The following NALCN variants were observed in gnomAD, a reference collection of about 807,000 sequenced individuals.
The protein encoded by NALCN is sodium leak channel, non-selective, also known as sodium leak channel NALCN.
A neutral mutation model predicts 225.3 loss-of-function variants in NALCN; 111 were observed. The ratio of observed to expected loss-of-function variants is 0.49; its 90% CI spans 0.42 to 0.58. The LOEUF is 0.58. Ranked by LOEUF, NALCN falls within the 20% of genes least tolerant of loss-of-function variation. NALCN has a pLI of 0.00. For synonymous variants in NALCN, 764 were observed against 769.0 expected, an observed-to-expected ratio of 0.99 and a Z score of 0.11; for missense variants, 1,378 against 2,202.4, an observed-to-expected ratio of 0.63 and a Z score of 7.49.
rs12431149 is a variant in NALCN, at chr13:101,349,594, G to A, written c.645-4174C>T. On this transcript the variant is annotated intron_variant, in intron 6 of 43. Coordinates refer to ENST00000251127, the MANE Select transcript of NALCN (RefSeq NM_052867.4). ...AGGAAGACACAGATGCAACTCTGCT[G>A]GCTTTGAAGGTGCTGGTTTGTCCAT... Among the ~76,000 whole-genome samples the A allele has an allele frequency of 4.5e-3, 680 of 151,916 alleles. 3 individuals carry two copies. Among genetic ancestry groups the A allele is most frequent in the Non-Finnish European group, 7.0e-3 (477 of 67,964 alleles).
chr13:101,128,812 C>A (rs758550128), intron 17 of NALCN, among the ~76,000 whole-genome samples: 2 of 152,058 alleles, frequency 1.3e-5, no homozygotes, highest in Non-Finnish European at 2.9e-5. Context: ...ATCCTCCTGC[C>A]GTGGCCTCCC....
intron 6 of NALCN, among the ~76,000 whole-genome samples, chr13:101,356,186 AACT>A (rs1303851147): frequency 6.6e-6 from 1 of 152,186 alleles, no homozygotes; most frequent in African/African-American, 2.4e-5. Flanking sequence ...GACAAGAAAT[AACT>A]AAGATCAGAG....
chr13:101,368,548 A>G (rs2046446957), intron 6 of NALCN: 1 of 152,202 alleles, frequency 6.6e-6, no homozygotes, highest in African/African-American at 2.4e-5. Flanking sequence ...AAATTTTCAA[A>G]TCAATTAACA....
At chr13:101,323,022 C>T (rs927496797) in intron 7 of NALCN, among the ~76,000 whole-genome samples, 1 of 152,004 alleles carries the variant, frequency 6.6e-6, no homozygotes, top group African/African-American at 2.4e-5. Context: ...CCTAAGCATC[C>T]ATTTTTAAGT....
At position 101,206,546 on chromosome 13, in the gene NALCN, G is replaced by A. The variant is rs1426276937; in HGVS notation, c.1627-14492C>T. Among the ~76,000 whole-genome samples the A allele has an allele frequency of 8.6e-5, 13 of 151,562 alleles. 1 individual carries two copies. The highest frequency in any genetic ancestry group is 3.1e-4 in the African/African-American group (13 of 41,320). On this transcript the variant is annotated intron_variant, in intron 13 of 43. Coordinates refer to ENST00000251127, the MANE Select transcript of NALCN (RefSeq NM_052867.4). ...TTTTCTTTCTTTTAGAACTTTACCT[G>A]TTCATGTACTTGCCATTTAAAAAAT...
intron 14 of NALCN, among the ~76,000 whole-genome samples, chr13:101,184,645 AAC>A (rs1168084772): frequency 2.0e-5 from 3 of 152,204 alleles, no homozygotes; most frequent in Admixed American, 2.0e-4. Context: ...CATTTTGTCC[AAC>A]ATAATGTAGT....
chr13:101,311,993 A>C (rs1297836560), intron 7 of NALCN, among the ~76,000 whole-genome samples: 1 of 150,748 alleles, frequency 6.6e-6, no homozygotes, highest in Admixed American at 6.7e-5. Context: ...CTGGTCCCGG[A>C]CTTTTTTTGG....
chr13:101,244,235 G>A (rs2140172175), intron 11 of NALCN, among the ~76,000 whole-genome samples: 1 of 152,054 alleles, frequency 6.6e-6, no homozygotes, highest in South Asian at 2.1e-4. Context: ...ACTAATGAAT[G>A]CCTGAAAGAT....
rs2035877511 is a variant in NALCN at position 101,119,654 on chromosome 13, G to A, written c.2192+4954C>T. Among the ~76,000 whole-genome samples, 2 of 152,202 alleles carry A rather than the reference G, an allele frequency of 1.3e-5. 1 individual carries two copies. The highest frequency in any genetic ancestry group is 4.1e-4 in the South Asian group (2 of 4,832). On this transcript the variant is annotated intron_variant, in intron 18 of 43. Coordinates refer to ENST00000251127, the MANE Select transcript of NALCN (RefSeq NM_052867.4). Reference sequence around the variant, plus strand: ...TCTCAACAAAGGTAGTGATGCTTTTGAAAGTACATTGCTATTTGTTTTTTA... The same window carrying A: ...TCTCAACAAAGGTAGTGATGCTTTTAAAAGTACATTGCTATTTGTTTTTTA...
At chr13:101,133,184 T>C (rs952789838) in intron 17 of NALCN, among the ~76,000 whole-genome samples, 17 of 152,182 alleles carry the variant, frequency 1.1e-4, no homozygotes, top group Admixed American at 7.9e-4. Context: ...TAAAGAACCA[T>C]AGCTTGACCC....
At chr13:101,273,884 C>CAA (rs34847260) in intron 10 of NALCN, among the ~76,000 whole-genome samples, 122 of 95,506 alleles carry the variant, frequency 1.3e-3, no homozygotes, top group African/African-American at 2.0e-3. Flanking sequence ...GACTCCATCT[C>CAA]AAAAAAAAAA....
chr13:101,241,313 T>C (rs2140166205), intron 11 of NALCN, among the ~76,000 whole-genome samples: 1 of 152,356 alleles, frequency 6.6e-6, no homozygotes, highest in Admixed American at 6.5e-5. Context: ...ATCTTAGAAA[T>C]TTGGGTCCCC....
intron 14 of NALCN, among the ~76,000 whole-genome samples, chr13:101,185,335 T>C (rs2039405717): frequency 6.6e-6 from 1 of 152,230 alleles, no homozygotes; most frequent in Non-Finnish European, 1.5e-5. Flanking sequence ...GATTGCTGTG[T>C]TAATTTCAGC....
intron 6 of NALCN, among the ~76,000 whole-genome samples, chr13:101,363,014 T>C (rs954441466): frequency 5.9e-5 from 9 of 152,028 alleles, no homozygotes; most frequent in African/African-American, 2.2e-4. Flanking sequence ...TAAAAATGCC[T>C]AGGAATAATT....
At chr13:101,367,199 C>T (rs2046402261) in intron 6 of NALCN, among the ~76,000 whole-genome samples, 1 of 151,854 alleles carries the variant, frequency 6.6e-6, no homozygotes, top group South Asian at 2.1e-4. Flanking sequence ...AAGAAACTCA[C>T]AACTTAAATC....
rs557325636 is a variant in NALCN, at chr13:101,087,339, C to T, written c.3489+2324G>A. On this transcript the variant is annotated intron_variant, in intron 30 of 43. Transcript: ENST00000251127. The stretch of plus-strand genomic sequence containing the variant: ...TGCTCCATGAGGGCAAATAACTTTT[C>T]TGTGTTTAGTGTTTAGGTTAGTTCA... Among the ~76,000 whole-genome samples the T allele has an allele frequency of 3.9e-5, 6 of 152,174 alleles. 2 individuals carry two copies. The highest frequency in any genetic ancestry group is 1.4e-4 in the African/African-American group (6 of 41,524).
At chr13:101,401,689 A>C (rs568971703) in intron 1 of NALCN, among the ~76,000 whole-genome samples, 1 of 152,178 alleles carries the variant, frequency 6.6e-6, no homozygotes, top group Non-Finnish European at 1.5e-5. Context: ...AAAATAGTGC[A>C]ATTATAACTG....
intron 40 of NALCN, 97 bp downstream of exon 40, chr13:101,065,307 G>A: frequency 1.5e-6 from 2 of 1,345,762 alleles, no homozygotes; most frequent in East Asian, 2.3e-5. Flanking sequence ...GGCATTTTGG[G>A]TTGGAAACAC....
chr13:101,379,446 G>A (rs1241675140), intron 3 of NALCN, among the ~76,000 whole-genome samples: 1 of 152,156 alleles, frequency 6.6e-6, no homozygotes, highest in African/African-American at 2.4e-5. Context: ...ATTCACAATA[G>A]CAAAGACTTG....
Sources: allele counts gnomAD v4.1 joint callset (sites outside exome capture counted in the v4.1 genomes callset), GRCh38; gene constraint gnomAD v4.1.1; transcripts MANE v1.5; gene names NCBI Gene and HGNC (gene_info 2026-07-23, HGNC 2026-07-21).